The following RBMS3 variants were observed in gnomAD, a reference collection of about 807,000 sequenced individuals.
RBMS3 encodes the protein RNA binding motif single stranded interacting protein 3, also known as RNA-binding motif, single-stranded-interacting protein 3.
RBMS3 carries 27 observed loss-of-function variants against 66.8 expected under a neutral mutation model. The observed-to-expected ratio is 0.40, with a 90% CI of 0.30 to 0.56. The LOEUF (loss-of-function observed/expected upper bound fraction) is 0.56, where lower values mean the gene tolerates loss of function less well. Among genes scored for constraint, RBMS3 ranks in the 20% least tolerant of loss-of-function variants. The pLI, the probability that RBMS3 is intolerant of heterozygous loss-of-function variation, is 0.40. For synonymous variants in RBMS3, 188 were observed against 183.0 expected (o/e 1.03, Z -0.22); for missense variants, 513 against 549.5 (o/e 0.93, Z 0.66).
intron 10 of RBMS3, among the ~76,000 whole-genome samples, chr3:29,908,871 T>C (rs2149627233): frequency 6.6e-6 from 1 of 152,228 alleles, no homozygotes; most frequent in Non-Finnish European, 1.5e-5. Context: ...CAGGATAATT[T>C]AATTGAAAAG....
At chr3:29,935,807 C>T (rs1414899102) in intron 10 of RBMS3, among the ~76,000 whole-genome samples, 1 of 151,958 alleles carries the variant, frequency 6.6e-6, no homozygotes, top group Non-Finnish European at 1.5e-5. Flanking sequence ...AGATGATTTT[C>T]AATACATTCT....
intron 4 of RBMS3, among the ~76,000 whole-genome samples, chr3:29,642,111 T>C (rs941757671): frequency 2.4e-4 from 36 of 152,070 alleles, no homozygotes; most frequent in African/African-American, 4.3e-4. Flanking sequence ...ACTGCTGATA[T>C]TTTACAACTT....
At chr3:29,786,905 A>C (rs1005936663) in intron 6 of RBMS3, among the ~76,000 whole-genome samples, 6 of 152,198 alleles carry the variant, frequency 3.9e-5, no homozygotes, top group African/African-American at 1.4e-4. Context: ...TTAACAGACA[A>C]CCCACAGAGT....
At chr3:29,414,580 C>A (rs1356486441) in intron 1 of RBMS3, among the ~76,000 whole-genome samples, 1 of 152,128 alleles carries the variant, frequency 6.6e-6, no homozygotes, top group Non-Finnish European at 1.5e-5. Context: ...GTATTTGTAT[C>A]ATTGCTTGAC....
intron 6 of RBMS3, among the ~76,000 whole-genome samples, chr3:29,859,535 C>G (rs2059160837): frequency 6.6e-6 from 1 of 152,204 alleles, no homozygotes; most frequent in Non-Finnish European, 1.5e-5. Flanking sequence ...ATTTTCCTTA[C>G]TGACAAAATC....
intron 6 of RBMS3, among the ~76,000 whole-genome samples, chr3:29,771,802 G>T (rs1353184045): frequency 1.3e-5 from 2 of 151,978 alleles, no homozygotes; most frequent in African/African-American, 4.8e-5. Context: ...CATGGCTGGT[G>T]CAGGAGGAAG....
chr3:29,305,896 A>C (rs1374818481), intron 1 of RBMS3, among the ~76,000 whole-genome samples: 1 of 152,008 alleles, frequency 6.6e-6, no homozygotes, highest in Non-Finnish European at 1.5e-5. Flanking sequence ...AAAATAGTAA[A>C]CTGCATAGAT....
At chr3:29,521,026 C>T (rs544027960) in intron 3 of RBMS3, among the ~76,000 whole-genome samples, 1 of 152,030 alleles carries the variant, frequency 6.6e-6, no homozygotes, top group African/African-American at 2.4e-5. Flanking sequence ...TTAAGAGGCC[C>T]TCCTCTGACT....
In RBMS3 at chr3:29,418,889, C is replaced by G. The variant is rs17023465; in HGVS notation, c.76-15854C>G. 6.8e-3 allele frequency among the ~76,000 whole-genome samples: 1,042 copies of G among 152,240 alleles called. 10 individuals are homozygous for G. The highest frequency in any genetic ancestry group is 0.024 in the African/African-American group (994 of 41,558). On this transcript the variant is annotated intron_variant, in intron 1 of 14. Coordinates refer to ENST00000383767, the MANE Select transcript of RBMS3 (RefSeq NM_001003793.3). Reference sequence around the variant, plus strand: ...CTAAAGCAGTTTTCTCCCATTACTGCAAACCACAAGGAAAAGCAATCAAAT... The same window carrying G: ...CTAAAGCAGTTTTCTCCCATTACTGGAAACCACAAGGAAAAGCAATCAAAT...
intron 10 of RBMS3, among the ~76,000 whole-genome samples, chr3:29,911,653 C>G (rs116287540): frequency 0.015 from 2,323 of 152,128 alleles, 61 homozygotes; most frequent in African/African-American, 0.052. Flanking sequence ...AGTGAGATTT[C>G]TACTCCCCTC....
chr3:29,492,835 A>C (rs2043600555), intron 3 of RBMS3, among the ~76,000 whole-genome samples: 1 of 152,208 alleles, frequency 6.6e-6, no homozygotes, highest in South Asian at 2.1e-4. Context: ...ATGCAGTGAT[A>C]GTTTATAACC....
intron 3 of RBMS3, among the ~76,000 whole-genome samples, chr3:29,566,285 A>G (rs962521709): frequency 3.9e-5 from 6 of 152,286 alleles, no homozygotes; most frequent in East Asian, 1.9e-4. Flanking sequence ...GATAGACACT[A>G]ATGGAGGAGA....
At chr3:29,806,811 T>A (rs1332230429) in intron 6 of RBMS3, among the ~76,000 whole-genome samples, 1 of 151,960 alleles carries the variant, frequency 6.6e-6, no homozygotes, top group Non-Finnish European at 1.5e-5. Flanking sequence ...ATATTATTCG[T>A]TGAGTCTGGA....
At chr3:29,321,761 G>C (rs974528424) in intron 1 of RBMS3, among the ~76,000 whole-genome samples, 12 of 152,204 alleles carry the variant, frequency 7.9e-5, no homozygotes, top group Non-Finnish European at 1.5e-4. Flanking sequence ...TTGTACATCT[G>C]TGAAGGTCAA....
chr3:29,477,919 C>T (rs999006961), intron 2 of RBMS3, among the ~76,000 whole-genome samples: 4 of 152,060 alleles, frequency 2.6e-5, no homozygotes, highest in South Asian at 2.1e-4. Flanking sequence ...GAATGCACCA[C>T]GATGCCTGGT....
intron 1 of RBMS3, among the ~76,000 whole-genome samples, chr3:29,341,293 A>G (rs1559501348): frequency 1.3e-5 from 2 of 152,148 alleles, no homozygotes; most frequent in Non-Finnish European, 2.9e-5. Flanking sequence ...TCATTTAATT[A>G]TTAACAACTC....
At chr3:29,808,588 A>G (rs983154277) in intron 6 of RBMS3, among the ~76,000 whole-genome samples, 1 of 152,004 alleles carries the variant, frequency 6.6e-6, no homozygotes, top group African/African-American at 2.4e-5. Flanking sequence ...CTGATCAGAT[A>G]TTTAGTAAAG....
Position 29,942,831 on chromosome 3 carries a change from G to A in RBMS3, c.1051-1376G>A, listed in dbSNP as rs138483561. Reference sequence around the variant, plus strand: ...AACTTTTTTTTTTTTTTTTGGTTTGGAGTGGAAATGTGTGATTGCAATTTT... The same window carrying A: ...AACTTTTTTTTTTTTTTTTGGTTTGAAGTGGAAATGTGTGATTGCAATTTT... On this transcript the variant is annotated intron_variant, in intron 11 of 14. Transcript: ENST00000383767. 3.4e-3 allele frequency among the ~76,000 whole-genome samples: 511 copies of A among 148,448 alleles called. 3 individuals are homozygous for A. The highest frequency in any genetic ancestry group is 0.012 in the African/African-American group (494 of 40,566).
At chr3:29,363,649 G>C (rs1375042789) in intron 1 of RBMS3, among the ~76,000 whole-genome samples, 1 of 152,060 alleles carries the variant, frequency 6.6e-6, no homozygotes, top group African/African-American at 2.4e-5. Flanking sequence ...AATTAGCCGA[G>C]TGTTGTGGCA....
Sources: gnomAD v4.1 joint callset for allele counts (sites outside exome capture counted in the v4.1 genomes callset) on GRCh38, gnomAD v4.1.1 for gene constraint, MANE v1.5 for transcripts, NCBI Gene and HGNC (gene_info 2026-07-23, HGNC 2026-07-21) for gene names.